The following SIGLEC1 variants were observed in gnomAD, a reference collection of about 807,000 sequenced individuals.
SIGLEC1 encodes sialoadhesin.
SIGLEC1 carries 132 observed loss-of-function variants against 148.0 expected under a neutral mutation model. That is an observed-to-expected ratio of 0.89 (90% CI 0.77 to 1.03). The LOEUF (loss-of-function observed/expected upper bound fraction) is 1.03, where lower values mean the gene tolerates loss of function less well. Ranked by LOEUF, SIGLEC1 falls within the 50% of genes least tolerant of loss-of-function variation. The pLI is 0.00. For missense variants in SIGLEC1, 2,253 were observed against 2,271.4 expected, an observed-to-expected ratio of 0.99 and a Z score of 0.16; for synonymous variants, 945 against 969.0, an observed-to-expected ratio of 0.98 and a Z score of 0.46.
rs2087935040 is a variant in SIGLEC1 at position 3,712,535 on chromosome 20, C to T, written c.-175G>A. ...GCGGAGAGGAGAACAGGAAGGACGG[C>T]CAAGAGCTCCTGGTGCAGCTGGCTC... On this transcript the variant is annotated 5_prime_UTR_variant, in exon 1 of 22. Transcript: ENST00000344754. Among the ~76,000 whole-genome samples, 1 of 152,116 alleles carries T rather than the reference C, an allele frequency of 6.6e-6. No individual in the cohort carries two copies.
Position 3,705,724 on chromosome 20 carries a change from T to C in SIGLEC1, c.706+20A>G. 1 of 1,587,432 alleles carries C rather than the reference T, an allele frequency of 6.3e-7. No individual in the cohort carries two copies. Among genetic ancestry groups the C allele is most frequent in the East Asian group, 2.2e-5 (1 of 44,460 alleles). On this transcript the variant is annotated intron_variant, in intron 4 of 21. Transcript: ENST00000344754. Reference sequence around the variant, plus strand: ...CAACAGATGCGCTCAGCCACAAGGGTGTGTCCCCAGACAACTCACACTTCA... The same window carrying C: ...CAACAGATGCGCTCAGCCACAAGGGCGTGTCCCCAGACAACTCACACTTCA...
At chr20:3,702,521 G>T (rs2087859945) in intron 6 of SIGLEC1, among the ~76,000 whole-genome samples, 1 of 151,846 alleles carries the variant, frequency 6.6e-6, no homozygotes, top group Admixed American at 6.6e-5. Context: ...CCCAGAGGCG[G>T]ACATTGCAGT....
At position 3,702,587 on chromosome 20, in the gene SIGLEC1, C is replaced by CA. The variant is rs57157833; in HGVS notation, c.1228+609dup. On this transcript the variant is annotated intron_variant, in intron 6 of 21. Coordinates refer to ENST00000344754, the MANE Select transcript of SIGLEC1 (RefSeq NM_023068.4). ...TGGGCAACACAGTGAGACTCCATCT[C>CA]AAAAAAAAAAAAAAGTCTTCTATCA... Among the ~76,000 whole-genome samples, 241 of 139,204 alleles carry CA rather than the reference C, an allele frequency of 1.7e-3. 2 individuals carry two copies. The highest frequency in any genetic ancestry group is 3.0e-3 in the Non-Finnish European group (189 of 63,056). The allele number at this position is 139,204 out of a possible 152,430, so 91.3% of individuals were successfully genotyped here.
intron 18 of SIGLEC1, 47 bp downstream of exon 18, chr20:3,691,293 G>A (rs1181223046): frequency 2.8e-5 from 45 of 1,601,934 alleles, no homozygotes; most frequent in Middle Eastern, 1.6e-4. Flanking sequence ...TGAGGTGGGC[G>A]TGTGAGATGT....
intron 2 of SIGLEC1, 121 bp downstream of exon 2, chr20:3,706,959 G>A (rs1047628519): frequency 2.2e-5 from 26 of 1,188,072 alleles, no homozygotes; most frequent in African/African-American, 3.0e-5. Flanking sequence ...GCCACTGCCC[G>A]ATTGGGCCCT....
chr20:3,692,337 T>C, intron 16 of SIGLEC1, 135 bp from the exon 17 acceptor site: 5 of 1,173,092 alleles, frequency 4.3e-6, no homozygotes, highest in Non-Finnish European at 5.8e-6. Context: ...TTCCCAGGAG[T>C]CCTGTGGGCA....
At chr20:3,708,135 T>C (rs1421102047) in intron 1 of SIGLEC1, among the ~76,000 whole-genome samples, 1 of 152,056 alleles carries the variant, frequency 6.6e-6, no homozygotes, top group Non-Finnish European at 1.5e-5. Flanking sequence ...GGTTCAGAGT[T>C]GGAGTGGGGA....
At chr20:3,697,032 CAG>C in intron 10 of SIGLEC1, 51 bp downstream of exon 10, 1 of 1,588,692 alleles carries the variant, frequency 6.3e-7, no homozygotes, top group Non-Finnish European at 8.5e-7. Context: ...TGCTTCTCCC[CAG>C]ACCACCCCTC....
rs145257206 is a variant in SIGLEC1 at position 3,694,782 on chromosome 20, G to A, written c.2825C>T (p.Ser942Leu). 7.5e-5 allele frequency: 121 copies of A among 1,613,628 alleles called. No homozygotes were observed. Among genetic ancestry groups the A allele is most frequent in the East Asian group, 4.9e-4 (22 of 44,876 alleles). The change falls in exon 12 of 22, where the codon TCG becomes TTG. Residue 942 changes from serine to leucine, a missense_variant. By Grantham distance (145) the Ser-to-Leu change is moderately radical. Coordinates refer to ENST00000344754, the MANE Select transcript of SIGLEC1 (RefSeq NM_023068.4). ...RDGQPLQEST[S>L]ATLRFAAITL... ...TATGGCTGCAAAGCGGAGCGTGGCC[G>A]AGGTCGACTCCTGGAGGGGCTGGCC... is the stretch of plus-strand genomic sequence containing the variant.
In SIGLEC1 at chr20:3,694,794, T is replaced by A. The variant is rs1160775616; in HGVS notation, c.2813A>T (p.Gln938Leu). 1.9e-6 allele frequency: 3 copies of A among 1,613,624 alleles called. No homozygotes were observed. Among genetic ancestry groups the A allele is most frequent in the Non-Finnish European group, 2.5e-6 (3 of 1,180,030 alleles). ...YRWYRDGQPL[Q>L]ESTSATLRFA... ...GCGGAGCGTGGCCGAGGTCGACTCC[T>A]GGAGGGGCTGGCCATCCCGATACCA... The change falls in exon 12 of 22, where the codon CAG (glutamine) becomes CTG (leucine). Residue 938 changes from glutamine to leucine, a missense_variant. Transcript: ENST00000344754.
chr20:3,694,289 C>A lies in SIGLEC1; in HGVS notation c.3188G>T (p.Gly1063Val). The A allele has an allele frequency of 3.1e-6, 5 of 1,613,008 alleles. No individual in the cohort carries two copies. The highest frequency in any genetic ancestry group is 4.2e-6 in the Non-Finnish European group (5 of 1,180,014). The change falls in exon 13 of 22, where the codon GGT becomes GTT. Residue 1063 changes from glycine (G) to valine (V), a missense_variant. Gly to Val is a moderately radical substitution (Grantham distance 109). Transcript: ENST00000344754. ...GTTGGAGGCCTCACAGATATAGACA[C>A]CCTCATCCTCCAGCATAGCCCCGTG... Reference protein sequence around the residue: ...EIHGAMLEDEGVYICEASNTL... With the variant: ...EIHGAMLEDEVVYICEASNTL...
rs142709240 is a variant in SIGLEC1 at position 3,706,690 on chromosome 20, G to A, written c.66C>T (p.Gly22=). The A allele has an allele frequency of 2.0e-4, 305 of 1,545,956 alleles. 1 individual carries two copies. In the African/African-American group the frequency reaches 3.4e-3, roughly 17 times the overall value. Residue 22 remains glycine (G), a synonymous_variant, in exon 3 of 22, where the codon GGC becomes GGT. Transcript: ENST00000344754. The part of the protein sequence containing the change: ...SFFPAGQASW[G]VSSPQDVQGV... ...CCTGCACGTCCTGGGGACTGGAGAC[G>A]CCCCATGAGGCCTGGCCTGGGGGAA...
intron 18 of SIGLEC1, 88 bp downstream of exon 18, chr20:3,691,252 C>T: frequency 1.3e-6 from 2 of 1,529,424 alleles, no homozygotes; most frequent in Non-Finnish European, 9.0e-7. Context: ...GTGAAGCCTT[C>T]ACTCTTGGCA....
chr20:3,706,946 C>T, intron 2 of SIGLEC1, 134 bp downstream of exon 2: 1 of 1,113,360 alleles, frequency 9.0e-7, no homozygotes. Flanking sequence ...TGCCCAGCTC[C>T]TGGCCACTGC....
At position 3,701,380 on chromosome 20, in the gene SIGLEC1, A is replaced by G. The variant is rs763402107; in HGVS notation, c.1490T>C (p.Leu497Pro). 1 of 1,613,756 alleles carries G rather than the reference A, an allele frequency of 6.2e-7. No individual in the cohort carries two copies. Among genetic ancestry groups the G allele is most frequent in the South Asian group, 1.1e-5 (1 of 91,046 alleles). The change falls in exon 7 of 22, where the codon CTT becomes CCT. Residue 497 changes from leucine to proline, a missense_variant. Transcript: ENST00000344754. ...GTCCAGGGTGGAGGTTGCATTTCCA[A>G]GGGAGTTGGTGGCTGAGCACTTGTA... is the stretch of plus-strand genomic sequence containing the variant. The part of the protein sequence containing the change: ...GEYKCSATNS[L>P]GNATSTLDFH...
chr20:3,703,540 T>G, intron 5 of SIGLEC1, 89 bp from the exon 6 acceptor site: 1 of 1,479,780 alleles, frequency 6.8e-7, no homozygotes, highest in South Asian at 1.4e-5. Flanking sequence ...CCAATCAGCC[T>G]CAATCTCTGC....
chr20:3,698,270 A>G (rs2087822167), intron 8 of SIGLEC1, 137 bp from the exon 9 acceptor site: 1 of 750,686 alleles, frequency 1.3e-6, no homozygotes, highest in South Asian at 2.2e-5. Context: ...TGTGCACTGC[A>G]CAAGGGCAGC....
rs1422891168 is a variant in SIGLEC1, at chr20:3,694,675, G to A, written c.2932C>T (p.Leu978Phe). 1 of 1,613,176 alleles carries A rather than the reference G, an allele frequency of 6.2e-7. No homozygotes were observed. Among genetic ancestry groups the A allele is most frequent in the East Asian group, 2.2e-5 (1 of 44,886 alleles). The part of the protein sequence containing the change: ...ATTSLAAPIS[L>F]HVSYAPRHVT... ...CAAAAGTCCTTACAGGACACGTGGA[G>A]GCTGATGGGTGCAGCTAGGCTCGTG... The change falls in exon 12 of 22, where the codon CTC (leucine) becomes TTC (phenylalanine). Residue 978 changes from leucine (L) to phenylalanine (F), a missense_variant. Leu to Phe is a conservative substitution (Grantham distance 22). Transcript: ENST00000344754.
rs1453786780 is a variant in SIGLEC1, at chr20:3,696,581, C to T, written c.2683+5G>A. On this transcript the variant is annotated splice_donor_5th_base_variant and intron_variant, in intron 11 of 21. Transcript: ENST00000344754. Reference sequence around the variant, plus strand: ...CTACCATATCTTCAGAAGACTGACACTCACCTCGGACCTGGAAGAAGAGTG... The same window carrying T: ...CTACCATATCTTCAGAAGACTGACATTCACCTCGGACCTGGAAGAAGAGTG... 6.3e-7 allele frequency: 1 copy of T among 1,597,860 alleles called. No homozygotes were observed. The highest frequency in any genetic ancestry group is 1.3e-5 in the African/African-American group (1 of 74,716).
Sources: gnomAD v4.1 joint callset for allele counts (sites outside exome capture counted in the v4.1 genomes callset) on GRCh38, gnomAD v4.1.1 for gene constraint, MANE v1.5 for transcripts, NCBI Gene and HGNC (gene_info 2026-07-23, HGNC 2026-07-21) for gene names.